The following TASP1 variants were observed in gnomAD, a reference collection of about 807,000 sequenced individuals.
The protein encoded by TASP1 is taspase 1.
In TASP1, 16 loss-of-function variants were observed where a neutral mutation model predicts 56.6. The ratio of observed to expected loss-of-function variants is 0.28; its 90% CI spans 0.19 to 0.43. The LOEUF (loss-of-function observed/expected upper bound fraction) is 0.43. Among genes scored for constraint, TASP1 ranks in the 20% least tolerant of loss-of-function variants. The pLI, the probability that TASP1 is intolerant of heterozygous loss-of-function variation, is 1.00. For missense variants in TASP1, 393 were observed against 511.6 expected, an observed-to-expected ratio of 0.77 and a Z score of 2.24; for synonymous variants, 179 against 184.2, an observed-to-expected ratio of 0.97 and a Z score of 0.23.
the TASP1 span, among the ~76,000 whole-genome samples, chr20:13,125,673 T>C: frequency 6.6e-6 from 1 of 152,214 alleles, no homozygotes; most frequent in African/African-American, 2.4e-5. Flanking sequence ...GGAATGGTCC[T>C]TCTCTGTTCC....
intron 6 of TASP1, among the ~76,000 whole-genome samples, chr20:13,579,594 G>C (rs1280247222): frequency 6.6e-6 from 1 of 151,952 alleles, no homozygotes; most frequent in African/African-American, 2.4e-5. Context: ...CTCGTGATCT[G>C]CCCGCCTCAG....
chr20:13,493,205 C>A (rs376926749), intron 10 of TASP1, among the ~76,000 whole-genome samples: 4 of 152,192 alleles, frequency 2.6e-5, no homozygotes, highest in East Asian at 1.9e-4. Flanking sequence ...GTAGTGAAAA[C>A]GCTTCATCCC....
intron 10 of TASP1, among the ~76,000 whole-genome samples, chr20:13,511,192 C>T (rs2044313763): frequency 1.3e-5 from 2 of 150,054 alleles, no homozygotes; most frequent in Admixed American, 1.3e-4. Context: ...AAAAAAAAAA[C>T]TAAAAGAAGA....
At chr20:13,264,105 T>C in the TASP1 span, among the ~76,000 whole-genome samples, 2 of 152,138 alleles carry the variant, frequency 1.3e-5, no homozygotes, top group African/African-American at 4.8e-5. Flanking sequence ...CAACTAGTAC[T>C]TATTTGTTGC....
the TASP1 span, among the ~76,000 whole-genome samples, chr20:13,382,415 GGTGGGAGGATT>G: frequency 1.3e-5 from 2 of 152,192 alleles, no homozygotes; most frequent in Non-Finnish European, 2.9e-5. Context: ...GGGAGGCCAA[GGTGGGAGGATT>G]GCTTAAGCCT....
chr20:13,231,404 C>T, the TASP1 span, among the ~76,000 whole-genome samples: 1 of 152,304 alleles, frequency 6.6e-6, no homozygotes, highest in African/African-American at 2.4e-5. Context: ...CCTACAAATT[C>T]CTGGTGTTTA....
the TASP1 span, among the ~76,000 whole-genome samples, chr20:13,383,227 A>G: frequency 6.6e-6 from 1 of 152,222 alleles, no homozygotes; most frequent in South Asian, 2.1e-4. Flanking sequence ...GCCAGTGCAC[A>G]GGTGACTGTC....
chr20:13,535,037 C>T (rs760207945), intron 8 of TASP1, among the ~76,000 whole-genome samples: 2 of 152,056 alleles, frequency 1.3e-5, no homozygotes, highest in Non-Finnish European at 2.9e-5. Flanking sequence ...TCAAACCTTG[C>T]CCTACAACCC....
chr20:13,244,060 CCT>C, the TASP1 span: 1 of 152,112 alleles, frequency 6.6e-6, no homozygotes, highest in East Asian at 1.9e-4. Flanking sequence ...GAAAGAGAGC[CCT>C]GTTAGCCAGT....
At chr20:13,280,151 T>C in the TASP1 span, among the ~76,000 whole-genome samples, 5 of 152,226 alleles carry the variant, frequency 3.3e-5, no homozygotes, top group Admixed American at 2.6e-4. Flanking sequence ...TTTTAGGATC[T>C]TTGGGGTTCT....
chr20:13,133,208 T>C, the TASP1 span, among the ~76,000 whole-genome samples: 1 of 152,212 alleles, frequency 6.6e-6, no homozygotes, highest in Non-Finnish European at 1.5e-5. Context: ...CTTTTTATAG[T>C]TCCCGCTGCA....
the TASP1 span, among the ~76,000 whole-genome samples, chr20:13,350,326 G>A: frequency 6.6e-6 from 1 of 152,054 alleles, no homozygotes; most frequent in Non-Finnish European, 1.5e-5. Context: ...ATGATTTAAG[G>A]ATTTAACTAA....
intron 12 of TASP1, among the ~76,000 whole-genome samples, chr20:13,426,708 T>C (rs1357546868): frequency 6.6e-6 from 1 of 152,024 alleles, no homozygotes; most frequent in East Asian, 1.9e-4. Context: ...CTCTTCATTG[T>C]TGAAAAGTTT....
the TASP1 span, among the ~76,000 whole-genome samples, chr20:13,371,368 T>C: frequency 6.6e-6 from 1 of 152,274 alleles, no homozygotes; most frequent in African/African-American, 2.4e-5. Flanking sequence ...TTGTTTTCAT[T>C]CATCTCAAAA....
intron 10 of TASP1, among the ~76,000 whole-genome samples, chr20:13,498,371 G>GTGTA (rs2043813681): frequency 6.8e-6 from 1 of 148,014 alleles, no homozygotes; most frequent in Non-Finnish European, 1.5e-5. Context: ...GTGTGTGTGT[G>GTGTA]TGTGTGTGAT....
the TASP1 span, among the ~76,000 whole-genome samples, chr20:13,327,393 G>C: frequency 1.3e-5 from 2 of 152,042 alleles, no homozygotes; most frequent in African/African-American, 4.8e-5. Flanking sequence ...AAAGTAATTT[G>C]TAGATTCAGT....
intron 6 of TASP1, among the ~76,000 whole-genome samples, chr20:13,577,427 C>T (rs1452730814): frequency 6.6e-6 from 1 of 152,022 alleles, no homozygotes; most frequent in Non-Finnish European, 1.5e-5. Flanking sequence ...TTTTACCCTA[C>T]AATGTGAGGT....
At chr20:13,416,662 A>T (rs1473120939) in intron 13 of TASP1, among the ~76,000 whole-genome samples, 1 of 152,220 alleles carries the variant, frequency 6.6e-6, no homozygotes, top group African/African-American at 2.4e-5. Context: ...ACAATGCTGC[A>T]CAACTTCACA....
At chr20:13,262,702 A>T in the TASP1 span, among the ~76,000 whole-genome samples, 1 of 152,192 alleles carries the variant, frequency 6.6e-6, no homozygotes, top group East Asian at 1.9e-4. Context: ...CAGTTTACAG[A>T]AGTATTCAAG....
Sources: gnomAD v4.1 joint callset for allele counts (sites outside exome capture counted in the v4.1 genomes callset) on GRCh38, gnomAD v4.1.1 for gene constraint, MANE v1.5 for transcripts, NCBI Gene and HGNC (gene_info 2026-07-23, HGNC 2026-07-21) for gene names.